The following SLCO3A1 variants were observed in gnomAD, a reference collection of about 807,000 sequenced individuals.
The protein encoded by SLCO3A1 is solute carrier organic anion transporter family member 3A1, also known as PGE1 transporter.
SLCO3A1 carries 27 observed loss-of-function variants against 63.1 expected under a neutral mutation model. The ratio of observed to expected loss-of-function variants is 0.43; its 90% CI spans 0.32 to 0.59. The LOEUF (loss-of-function observed/expected upper bound fraction) is 0.59. Ranked by LOEUF, SLCO3A1 falls within the 20% of genes least tolerant of loss-of-function variation. The pLI, the probability that SLCO3A1 is intolerant of heterozygous loss-of-function variation, is 0.09. For synonymous variants in SLCO3A1, 473 were observed against 409.9 expected (o/e 1.15, Z -1.86); for missense variants, 773 against 945.8 (o/e 0.82, Z 2.40).
At chr15:91,880,399 C>CTGTGTGTGTG (rs1158728794) in intron 1 of SLCO3A1, among the ~76,000 whole-genome samples, 284 of 114,484 alleles carry the variant, frequency 2.5e-3, no homozygotes, top group East Asian at 0.02. Context: ...CTCTCTCTCT[C>CTGTGTGTGTG]TCTCTCTCTC....
At position 92,164,986 on chromosome 15, in the gene SLCO3A1, C is replaced by T. The variant is rs781633546; in HGVS notation, c.*1851C>T. 2.0e-6 allele frequency: 2 copies of T among 985,310 alleles called. No homozygotes were observed. Among genetic ancestry groups the T allele is most frequent in the Non-Finnish European group, 2.4e-6 (2 of 829,906 alleles). 61.0% of individuals were successfully genotyped at this position (985,310 alleles called of 1,614,324 possible). Reference sequence around the variant, plus strand: ...TCAAAGGTTGATTGGTTTGCTTTTTCACCTTGGACACATTTGCATTTTACC... The same window carrying T: ...TCAAAGGTTGATTGGTTTGCTTTTTTACCTTGGACACATTTGCATTTTACC... On this transcript the variant is annotated 3_prime_UTR_variant, in exon 10 of 10. Coordinates refer to ENST00000318445, the MANE Select transcript of SLCO3A1 (RefSeq NM_013272.4).
At chr15:92,086,333 G>A (rs74030471) in intron 2 of SLCO3A1, among the ~76,000 whole-genome samples, 10,888 of 152,056 alleles carry the variant, frequency 0.072, 878 homozygotes, top group East Asian at 0.26. Flanking sequence ...TATTTAATTG[G>A]GGTCTAAATT....
chr15:91,939,963 G>A (rs941188976), intron 2 of SLCO3A1, among the ~76,000 whole-genome samples: 1 of 152,162 alleles, frequency 6.6e-6, no homozygotes, highest in Non-Finnish European at 1.5e-5. Flanking sequence ...GAAAGTAGCA[G>A]TCCAACCTTG....
intron 2 of SLCO3A1, among the ~76,000 whole-genome samples, chr15:91,999,319 GAC>G (rs1258261147): frequency 2.0e-5 from 3 of 151,920 alleles, no homozygotes; most frequent in South Asian, 2.1e-4. Flanking sequence ...AAAATAAAAA[GAC>G]ACATATGGAC....
intron 2 of SLCO3A1, among the ~76,000 whole-genome samples, chr15:91,922,379 C>T (rs1376173421): frequency 2.6e-5 from 4 of 152,202 alleles, no homozygotes; most frequent in South Asian, 2.1e-4. Flanking sequence ...AAATGTGTCA[C>T]GTTTTCTTTG....
chr15:92,009,654 A>G (rs1268569280), intron 2 of SLCO3A1, among the ~76,000 whole-genome samples: 3 of 152,184 alleles, frequency 2.0e-5, no homozygotes, highest in African/African-American at 7.2e-5. Flanking sequence ...CAACATTTTG[A>G]ATGACAGTAC....
rs1025849460 is a variant in SLCO3A1 at position 91,967,727 on chromosome 15, C to A, written c.646+51269C>A. Among the ~76,000 whole-genome samples the A allele has an allele frequency of 6.6e-6, 1 of 152,196 alleles. No homozygotes were observed. Among genetic ancestry groups the A allele is most frequent in the Non-Finnish European group, 1.5e-5 (1 of 68,044 alleles). Reference sequence around the variant, plus strand: ...CTGGATCATATTGTCTCTCAAATATCAATAGCACAGTTTTTGGCTGTGTTG... The same window carrying A: ...CTGGATCATATTGTCTCTCAAATATAAATAGCACAGTTTTTGGCTGTGTTG... On this transcript the variant is annotated intron_variant, in intron 2 of 9. Transcript: ENST00000318445. This position sits in a 1 kb window ranked among gnomAD's most constrained non-coding sequence, Gnocchi z 4.4.
In SLCO3A1 at chr15:91,882,731, A is replaced by G. The variant is rs1295018056; in HGVS notation, c.180+28643A>G. On this transcript the variant is annotated intron_variant, in intron 1 of 9. Transcript: ENST00000318445. This position sits in a 1 kb window ranked among gnomAD's most constrained non-coding sequence, Gnocchi z 4.4. ...GAGACAGGGTTTCACCATGTTGGCC[A>G]GGCTGGTCTCGAACTCCTGACCTCA... Among the ~76,000 whole-genome samples, 5 of 152,180 alleles carry G rather than the reference A, an allele frequency of 3.3e-5. No homozygotes were observed. The highest frequency in any genetic ancestry group is 7.3e-5 in the Non-Finnish European group (5 of 68,030).
chr15:92,134,329 C>G (rs1323384423), intron 7 of SLCO3A1, among the ~76,000 whole-genome samples: 1 of 152,148 alleles, frequency 6.6e-6, no homozygotes, highest in Non-Finnish European at 1.5e-5. Context: ...GAAATCAAAC[C>G]CTACTGGGGC....
chr15:92,142,011 CA>C (rs1567141742), intron 7 of SLCO3A1, among the ~76,000 whole-genome samples: 2 of 152,242 alleles, frequency 1.3e-5, no homozygotes, highest in African/African-American at 4.8e-5. Context: ...GAAACCCATC[CA>C]AGTCCTTGCA....
At chr15:92,124,725 G>A (rs1387908409) in intron 5 of SLCO3A1, among the ~76,000 whole-genome samples, 1 of 152,188 alleles carries the variant, frequency 6.6e-6, no homozygotes, top group Non-Finnish European at 1.5e-5. Context: ...CATGAAAACA[G>A]TATGGAATCT....
rs1275910538 is a variant in SLCO3A1, at chr15:91,860,307, G to T, written c.180+6219G>T. Among the ~76,000 whole-genome samples, 2 of 152,158 alleles carry T rather than the reference G, an allele frequency of 1.3e-5. No individual in the cohort carries two copies. Among genetic ancestry groups the T allele is most frequent in the East Asian group, 1.9e-4 (1 of 5,200 alleles). ...AAGACCTGGATTTGAACTTAGACTT[G>T]CTATTTCCCAGCTCCTGGCAACTTC... On this transcript the variant is annotated intron_variant, in intron 1 of 9. Coordinates refer to ENST00000318445, the MANE Select transcript of SLCO3A1 (RefSeq NM_013272.4). This position sits in a 1 kb window ranked among gnomAD's most constrained non-coding sequence, Gnocchi z 5.5.
At chr15:92,161,997 G>A (rs1208638580) in intron 9 of SLCO3A1, 1 of 152,088 alleles carries the variant, frequency 6.6e-6, no homozygotes, top group Admixed American at 6.5e-5. Context: ...TGCTTTCACT[G>A]ACACTAACTA....
At chr15:91,910,091 A>G (rs1898437834) in intron 1 of SLCO3A1, among the ~76,000 whole-genome samples, 1 of 152,114 alleles carries the variant, frequency 6.6e-6, no homozygotes, top group Admixed American at 6.6e-5. Context: ...GACTACTCAC[A>G]GTTCTCTGAA....
chr15:92,028,823 G>A (rs1328410755), intron 2 of SLCO3A1, among the ~76,000 whole-genome samples: 1 of 151,740 alleles, frequency 6.6e-6, no homozygotes, highest in Non-Finnish European at 1.5e-5. Flanking sequence ...AAGAATTTTT[G>A]TAGGATCTGG....
At chr15:91,924,435 G>T (rs562944904) in intron 2 of SLCO3A1, among the ~76,000 whole-genome samples, 90 of 152,272 alleles carry the variant, frequency 5.9e-4, no homozygotes, top group Non-Finnish European at 1.0e-3. Flanking sequence ...ACACACGGTA[G>T]CTTGCCATGG....
chr15:92,075,326 C>G (rs1288174443), intron 2 of SLCO3A1, among the ~76,000 whole-genome samples: 2 of 152,144 alleles, frequency 1.3e-5, no homozygotes, highest in Non-Finnish European at 2.9e-5. Context: ...TTACTTCTCC[C>G]AAAAGCCCCT....
chr15:92,172,136 C>T (rs1287440770), exon 11 of SLCO3A1: 1 of 346,510 alleles, frequency 2.9e-6, no homozygotes, highest in Non-Finnish European at 5.2e-6. Flanking sequence ...AAATTCCCTT[C>T]CACCCATCCC....
chr15:92,021,260 C>T (rs1332258266), intron 2 of SLCO3A1, among the ~76,000 whole-genome samples: 1 of 152,198 alleles, frequency 6.6e-6, no homozygotes, highest in East Asian at 1.9e-4. Flanking sequence ...TTTAAGAAAG[C>T]ATTCCCTAGC....
Sources: allele counts gnomAD v4.1 joint callset (sites outside exome capture counted in the v4.1 genomes callset), GRCh38; gene constraint gnomAD v4.1.1; non-coding constraint Gnocchi (gnomAD v3.1); transcripts MANE v1.5; gene names NCBI Gene and HGNC (gene_info 2026-07-23, HGNC 2026-07-21).